CDC42BPA: variants seen among roughly 807,000 people sequenced by gnomAD.
CDC42BPA encodes CDC42 binding protein kinase alpha.
Under a neutral mutation model 223.5 loss-of-function variants are expected in CDC42BPA, and 80 were observed. The ratio of observed to expected loss-of-function variants is 0.36; its 90% CI spans 0.30 to 0.43. CDC42BPA has a LOEUF of 0.43. Among genes scored for constraint, CDC42BPA ranks in the 20% least tolerant of loss-of-function variants. The pLI is 1.00. For missense variants in CDC42BPA, 1,743 were observed against 2,099.9 expected, an observed-to-expected ratio of 0.83 and a Z score of 3.32; for synonymous variants, 694 against 718.6, an observed-to-expected ratio of 0.97 and a Z score of 0.55.
In CDC42BPA at chr1:227,139,687, G is replaced by A. The variant is rs935517178; in HGVS notation, c.1279C>T (p.Leu427Phe). The change falls in exon 10 of 37, where the codon CTT becomes TTT. Residue 427 changes from leucine to phenylalanine, a missense_variant. Physicochemically the swap from Leu to Phe is conservative, Grantham distance 22. Transcript: ENST00000366766. ...RVTAGPTSLDLDVNVQRTLDN... is the reference protein window; with the variant it reads ...RVTAGPTSLDFDVNVQRTLDN... Reference sequence around the variant, plus strand: ...AGAGTCCTCTGAACATTAACATCAAGATCCAGTGAGGTGGGACCAGCCGTA... The same window carrying A: ...AGAGTCCTCTGAACATTAACATCAAAATCCAGTGAGGTGGGACCAGCCGTA... The A allele has an allele frequency of 6.2e-7, 1 of 1,607,140 alleles. No homozygotes were observed. Among genetic ancestry groups the A allele is most frequent in the South Asian group, 1.1e-5 (1 of 89,428 alleles).
At chr1:227,047,191 C>T (rs1365200460) in intron 23 of CDC42BPA, among the ~76,000 whole-genome samples, 1 of 152,014 alleles carries the variant, frequency 6.6e-6, no homozygotes, top group Non-Finnish European at 1.5e-5. Flanking sequence ...GTCAAGTATT[C>T]CCAATTTATT....
chr1:226,995,864 G>A (rs1205828468), intron 35 of CDC42BPA, among the ~76,000 whole-genome samples: 1 of 152,224 alleles, frequency 6.6e-6, no homozygotes, highest in Admixed American at 6.5e-5. Context: ...AAAAGACTGT[G>A]TTGAGGTTTT....
At chr1:227,311,113 G>C (rs1432122196) in intron 1 of CDC42BPA, among the ~76,000 whole-genome samples, 3 of 152,114 alleles carry the variant, frequency 2.0e-5, no homozygotes, top group Non-Finnish European at 4.4e-5. Context: ...CAACACTTTG[G>C]AAGCCCAAGG....
In CDC42BPA at chr1:227,251,326, G is replaced by C. The variant is rs1036208514; in HGVS notation, c.270+2738C>G. 3.3e-5 allele frequency among the ~76,000 whole-genome samples: 5 copies of C among 151,824 alleles called. No individual in the cohort carries two copies. The East Asian group carries it at 9.6e-4, about 29-fold the overall frequency. ...GTAATTGCCAGGGGAACACATAAAAGAAGATAAAATTGGGAGGTATGATTT... is the reference window on the plus strand; with the variant it reads ...GTAATTGCCAGGGGAACACATAAAACAAGATAAAATTGGGAGGTATGATTT... On this transcript the variant is annotated intron_variant, in intron 2 of 36. Coordinates refer to ENST00000366766, the MANE Select transcript of CDC42BPA (RefSeq NM_001394014.1).
intron 16 of CDC42BPA, among the ~76,000 whole-genome samples, chr1:227,084,657 T>C (rs974346315): frequency 2.0e-5 from 3 of 152,168 alleles, no homozygotes; most frequent in Non-Finnish European, 4.4e-5. Flanking sequence ...CTTTTTTGTA[T>C]GTTTGTAGAG....
intron 21 of CDC42BPA, among the ~76,000 whole-genome samples, chr1:227,054,852 G>A (rs1674234047): frequency 6.6e-6 from 1 of 151,862 alleles, no homozygotes; most frequent in Non-Finnish European, 1.5e-5. Flanking sequence ...GTAGAATAAT[G>A]AAATTTACCA....
At position 227,208,567 on chromosome 1, in the gene CDC42BPA, T is replaced by C. The variant is rs1673256042; in HGVS notation, c.354+4569A>G. On this transcript the variant is annotated intron_variant, in intron 3 of 36. Coordinates refer to ENST00000366766, the MANE Select transcript of CDC42BPA (RefSeq NM_001394014.1). Reference sequence around the variant, plus strand: ...AGGAAGGGATCCAGTTTCAACTTTCTACATATGGCTAGCCAGTTTTCCCAG... The same window carrying C: ...AGGAAGGGATCCAGTTTCAACTTTCCACATATGGCTAGCCAGTTTTCCCAG... Among the ~76,000 whole-genome samples the C allele has an allele frequency of 2.0e-5, 3 of 150,110 alleles. No homozygotes were observed. The Admixed American group carries it at 2.0e-4, about 10-fold the overall frequency.
intron 35 of CDC42BPA, chr1:227,003,907 T>C (rs1301347010): frequency 1.3e-5 from 2 of 152,074 alleles, no homozygotes; most frequent in Admixed American, 6.6e-5. Context: ...AGGTCATGTA[T>C]GTATTTTTAC....
intron 1 of CDC42BPA, among the ~76,000 whole-genome samples, chr1:227,294,950 A>T (rs1427219763): frequency 1.3e-5 from 2 of 151,542 alleles, no homozygotes; most frequent in East Asian, 3.9e-4. Context: ...GCAAGGTATA[A>T]AAATACCAGA....
chr1:227,205,433 A>C (rs962968091), intron 3 of CDC42BPA, among the ~76,000 whole-genome samples: 1 of 151,916 alleles, frequency 6.6e-6, no homozygotes, highest in African/African-American at 2.4e-5. Context: ...AATATGAAAA[A>C]TCAGCCTTGT....
chr1:227,076,987 C>T (rs961412572), intron 17 of CDC42BPA, among the ~76,000 whole-genome samples: 2 of 152,200 alleles, frequency 1.3e-5, no homozygotes, highest in African/African-American at 4.8e-5. Flanking sequence ...CTACAGAAGG[C>T]CAACTTAGAT....
intron 5 of CDC42BPA, among the ~76,000 whole-genome samples, chr1:227,162,906 G>T (rs1362891407): frequency 7.5e-6 from 1 of 133,494 alleles, no homozygotes; most frequent in Non-Finnish European, 1.6e-5. Context: ...ATATATGTGT[G>T]TGTATATGTG....
At chr1:227,046,671 C>G (rs1054032980) in intron 23 of CDC42BPA, among the ~76,000 whole-genome samples, 11 of 152,244 alleles carry the variant, frequency 7.2e-5, no homozygotes, top group African/African-American at 2.6e-4. Flanking sequence ...TCACTCTTGC[C>G]TCTCAAAGTA....
chr1:227,204,871 T>C (rs1359355884), intron 3 of CDC42BPA, among the ~76,000 whole-genome samples: 2 of 151,952 alleles, frequency 1.3e-5, no homozygotes, highest in African/African-American at 2.4e-5. Flanking sequence ...ATCCAGTATA[T>C]ATAAAGATTT....
chr1:227,281,088 C>G (rs1687942503), intron 1 of CDC42BPA, among the ~76,000 whole-genome samples: 1 of 152,222 alleles, frequency 6.6e-6, no homozygotes, highest in Non-Finnish European at 1.5e-5. Flanking sequence ...TTCACTTCCA[C>G]AAACACCATG....
intron 14 of CDC42BPA, among the ~76,000 whole-genome samples, chr1:227,109,014 A>T (rs191250331): frequency 6.6e-6 from 1 of 152,320 alleles, no homozygotes; most frequent in Admixed American, 6.5e-5. Context: ...TAAAAACATC[A>T]TATAAAAGAT....
At chr1:227,185,969 A>G (rs1374419221) in intron 5 of CDC42BPA, among the ~76,000 whole-genome samples, 3 of 152,330 alleles carry the variant, frequency 2.0e-5, no homozygotes, top group East Asian at 1.9e-4. Context: ...CTCTTCTTAG[A>G]TATGTAAGAG....
intron 32 of CDC42BPA, among the ~76,000 whole-genome samples, chr1:227,022,391 C>T (rs953644530): frequency 1.3e-5 from 2 of 151,970 alleles, no homozygotes; most frequent in African/African-American, 4.8e-5. Flanking sequence ...CAAGATTGTG[C>T]CACTGCACTA....
chr1:227,112,878 T>C lies in CDC42BPA; in HGVS notation c.1683A>G (p.Gln561=), dbSNP rs1687158167. ...AGTGTGCGTCTTTCAGCTCTTTGGA[T>C]TGGTTTTTTAATCGCTCACTAGCCT... ...LVQASERLKN[Q]SKELKDAHCQ... The change falls in exon 13 of 37, where the codon CAA becomes CAG. Residue 561 remains glutamine, a synonymous_variant. Transcript: ENST00000366766. 3 of 1,614,062 alleles carry C rather than the reference T, an allele frequency of 1.9e-6. No homozygotes were observed. Among genetic ancestry groups the C allele is most frequent in the East Asian group, 2.2e-5 (1 of 44,866 alleles).
Sources: gnomAD v4.1 joint callset for allele counts (sites outside exome capture counted in the v4.1 genomes callset) on GRCh38, gnomAD v4.1.1 for gene constraint, MANE v1.5 for transcripts, NCBI Gene and HGNC (gene_info 2026-07-23, HGNC 2026-07-21) for gene names.